Variants in C10orf67 observed in about 807,000 individuals in gnomAD.
C10orf67 encodes the protein chromosome 10 open reading frame 67.
Under a neutral mutation model 35.6 loss-of-function variants are expected in C10orf67, and 60 were observed. That is an observed-to-expected ratio of 1.68 (90% CI 1.37 to 2.09). The LOEUF is 2.09. Among genes scored for constraint, C10orf67 ranks in the 30% most tolerant of loss-of-function variants. The pLI, the probability that C10orf67 is intolerant of heterozygous loss-of-function variation, is 0.00. For missense variants in C10orf67, 474 were observed against 330.2 expected (o/e 1.44, Z -3.38); for synonymous variants, 167 against 115.8 (o/e 1.44, Z -2.84).
At chr10:23,215,577 G>A (rs1208431150) in intron 15 of C10orf67, among the ~76,000 whole-genome samples, 1 of 152,038 alleles carries the variant, frequency 6.6e-6, no homozygotes, top group Non-Finnish European at 1.5e-5. Flanking sequence ...ATGCCCGGCT[G>A]AGATATCTAT....
chr10:23,322,466 C>T lies in C10orf67; in HGVS notation c.399G>A (p.Leu133=). The T allele has an allele frequency of 6.2e-7, 1 of 1,610,334 alleles. No individual in the cohort carries two copies. The highest frequency in any genetic ancestry group is 1.3e-5 in the African/African-American group (1 of 74,960). The change falls in exon 3 of 16, where the codon CTG becomes CTA. Residue 133 remains leucine (L), a synonymous_variant. Transcript: ENST00000636213. ...QLLQLKFEDR[L]KEESLSLFTI... is the part of the protein sequence containing the mutation. ...TGAAGAGACTCAAAGATTCCTCTTT[C>T]AGTCGGTCCTCAAACTTCAACTGAA...
At chr10:23,307,735 G>C (rs536369970) in intron 4 of C10orf67, among the ~76,000 whole-genome samples, 1 of 150,600 alleles carries the variant, frequency 6.6e-6, no homozygotes, top group African/African-American at 2.4e-5. Flanking sequence ...CTCCACCTCT[G>C]CCTCCAAAGT....
At chr10:23,258,384 C>A in intron 10 of C10orf67, 1 of 169,802 alleles carries the variant, frequency 5.9e-6, no homozygotes, top group Non-Finnish European at 1.4e-5. Context: ...TGATTGGCAC[C>A]TTTCTATTAT....
chr10:23,204,983 G>A (rs1457954224), intron 15 of C10orf67, among the ~76,000 whole-genome samples: 4 of 152,178 alleles, frequency 2.6e-5, no homozygotes, highest in South Asian at 2.1e-4. Flanking sequence ...TGCAGCCTGC[G>A]GTCACCGGTA....
chr10:23,266,370 T>A lies in C10orf67; in HGVS notation c.1092A>T (p.Pro364=). The change falls in exon 10 of 16, where the codon CCA becomes CCT. Residue 364 remains proline (P), a synonymous_variant. Transcript: ENST00000636213. The stretch of plus-strand genomic sequence containing the variant: ...GTGGCCTCAAAGCTGTGGTGCTGGG[T>A]GGAGACTTGGGCCATGGGGACAAAG... ...EASLSPWPKS[P]PSTTALRPHS... The A allele has an allele frequency of 2.5e-6, 1 of 398,584 alleles. No individual in the cohort carries two copies. The highest frequency in any genetic ancestry group is 4.4e-6 in the Non-Finnish European group (1 of 226,064). 24.7% of individuals were successfully genotyped at this position (398,584 alleles called of 1,614,324 possible). A position where few individuals can be genotyped will look rare whatever the true frequency, so the allele number is the denominator to read the frequency against.
At chr10:23,245,929 TA>T (rs1320320238) in intron 12 of C10orf67, among the ~76,000 whole-genome samples, 1 of 152,182 alleles carries the variant, frequency 6.6e-6, no homozygotes, top group Non-Finnish European at 1.5e-5. Flanking sequence ...CTGTTCACAA[TA>T]GCAAAGACAT....
chr10:23,334,612 A>T (rs865838150), intron 1 of C10orf67, among the ~76,000 whole-genome samples: 7 of 152,252 alleles, frequency 4.6e-5, no homozygotes, highest in African/African-American at 1.7e-4. Flanking sequence ...AGTGCCAAGT[A>T]TAACTCCAAG....
chr10:23,221,574 T>C (rs1322101271), intron 15 of C10orf67, among the ~76,000 whole-genome samples: 2 of 152,238 alleles, frequency 1.3e-5, no homozygotes, highest in East Asian at 3.8e-4. Flanking sequence ...TTGGCTAATT[T>C]GGCCCTTTGA....
At chr10:23,322,587 C>A in intron 2 of C10orf67, 50 bp from the exon 3 acceptor site, 1 of 1,246,062 alleles carries the variant, frequency 8.0e-7, no homozygotes, top group South Asian at 1.3e-5. Context: ...GAACAGAAAA[C>A]CAAATACTGC....
At chr10:23,235,012 C>CAAAAA (rs57049730) in intron 13 of C10orf67, among the ~76,000 whole-genome samples, 4 of 76,034 alleles carry the variant, frequency 5.3e-5, no homozygotes, top group African/African-American at 4.9e-5. Context: ...AATTCCATCT[C>CAAAAA]AAAAAAAAAA....
At chr10:23,276,956 C>T (rs1318265235) in intron 8 of C10orf67, among the ~76,000 whole-genome samples, 1 of 152,122 alleles carries the variant, frequency 6.6e-6, no homozygotes, top group Non-Finnish European at 1.5e-5. Context: ...ATCAGAATCA[C>T]AAACGGATAA....
At chr10:23,292,854 C>G (rs1843761058) in intron 5 of C10orf67, among the ~76,000 whole-genome samples, 1 of 152,118 alleles carries the variant, frequency 6.6e-6, no homozygotes, top group South Asian at 2.1e-4. Flanking sequence ...CCCAATTCAT[C>G]TTAACTAATG....
chr10:23,277,551 CAAAAAA>C (rs200341837), intron 8 of C10orf67, among the ~76,000 whole-genome samples: 1 of 118,802 alleles, frequency 8.4e-6, no homozygotes, highest in Non-Finnish European at 1.7e-5. Flanking sequence ...TGACCAACTC[CAAAAAA>C]AAAAAAAAAA....
intron 15 of C10orf67, among the ~76,000 whole-genome samples, chr10:23,220,848 G>A (rs1346026691): frequency 6.6e-6 from 1 of 152,170 alleles, no homozygotes; most frequent in East Asian, 1.9e-4. Context: ...TGGTGTGAAA[G>A]TATAGCCTAA....
At chr10:23,320,711 A>G (rs773627213) in intron 4 of C10orf67, 30 bp downstream of exon 4, 1 of 1,542,272 alleles carries the variant, frequency 6.5e-7, no homozygotes, top group South Asian at 1.2e-5. Context: ...AGCCTTGCCC[A>G]CAACTACGGC....
intron 8 of C10orf67, among the ~76,000 whole-genome samples, chr10:23,276,965 A>G (rs918038081): frequency 2.6e-5 from 4 of 152,182 alleles, no homozygotes; most frequent in Admixed American, 6.5e-5. Flanking sequence ...ACAAACGGAT[A>G]AGACATTTCA....
chr10:23,271,372 A>G (rs1248110351), intron 8 of C10orf67, among the ~76,000 whole-genome samples: 1 of 152,224 alleles, frequency 6.6e-6, no homozygotes, highest in African/African-American at 2.4e-5. Flanking sequence ...CAAAGCTGCT[A>G]TAAACATTTG....
intron 7 of C10orf67, among the ~76,000 whole-genome samples, chr10:23,284,360 C>G (rs1355618851): frequency 6.6e-6 from 1 of 151,960 alleles, no homozygotes; most frequent in African/African-American, 2.4e-5. Context: ...ACCCTGTACC[C>G]AGCTCTTCCA....
At chr10:23,317,153 AC>A (rs1343654218) in intron 4 of C10orf67, 1 of 152,244 alleles carries the variant, frequency 6.6e-6, no homozygotes, top group Non-Finnish European at 1.5e-5. Context: ...GCTTGTTGGC[AC>A]CCAAACTCTG....
Sources: allele counts gnomAD v4.1 joint callset (sites outside exome capture counted in the v4.1 genomes callset), GRCh38; gene constraint gnomAD v4.1.1; transcripts MANE v1.5; gene names NCBI Gene and HGNC (gene_info 2026-07-23, HGNC 2026-07-21).